Variants in ELAVL3 observed in about 807,000 individuals in gnomAD.
ELAVL3 encodes the protein ELAV-like protein 3.
Under a neutral mutation model 34.2 loss-of-function variants are expected in ELAVL3, and 8 were observed. The ratio of observed to expected loss-of-function variants is 0.23; its 90% CI spans 0.14 to 0.42. The LOEUF (loss-of-function observed/expected upper bound fraction) is 0.42, where lower values mean the gene tolerates loss of function less well. Ranked by LOEUF, ELAVL3 falls within the 10% of genes least tolerant of loss-of-function variation. The probability of loss-of-function intolerance (pLI) is 1.00; values close to 1 mark genes in which losing one functional copy is unlikely to be tolerated. For missense variants in ELAVL3, 273 were observed against 518.8 expected (o/e 0.53, Z 4.60); for synonymous variants, 209 against 222.1 (o/e 0.94, Z 0.53).
At chr19:11,457,212 C>T (rs567948974) in intron 5 of ELAVL3, 64 bp from the exon 6 acceptor site, 49 of 1,489,634 alleles carry the variant, frequency 3.3e-5, no homozygotes, top group South Asian at 1.8e-4. Context: ...GTGACACCGT[C>T]GGCCTGCCCT....
intron 3 of ELAVL3, among the ~76,000 whole-genome samples, chr19:11,465,049 A>AC (rs1334668374): frequency 4.4e-5 from 5 of 113,864 alleles, no homozygotes; most frequent in African/African-American, 1.6e-4. Context: ...CCACACACAT[A>AC]CACACATACA....
chr19:11,460,811 T>G (rs1970867292), intron 3 of ELAVL3, among the ~76,000 whole-genome samples: 1 of 152,042 alleles, frequency 6.6e-6, no homozygotes, highest in Non-Finnish European at 1.5e-5. Flanking sequence ...CTGAATCACA[T>G]TATTAATTAT....
chr19:11,465,020 TACACAC>T (rs1370851721), intron 3 of ELAVL3, among the ~76,000 whole-genome samples: 1 of 49,686 alleles, frequency 2.0e-5, no homozygotes, highest in Admixed American at 2.4e-4. Flanking sequence ...TACATACACA[TACACAC>T]ACCACACACA....
chr19:11,454,481 C>G lies in ELAVL3; in HGVS notation c.*45G>C. ...TCTCTCTCTCTCTTTCTCTCTCTCT[C>G]TCTCTGCTGCCCGGGGAGGGGGTGG... is the stretch of plus-strand genomic sequence containing the variant. On this transcript the variant is annotated 3_prime_UTR_variant, in exon 7 of 7. Transcript: ENST00000359227. This position sits in a 1 kb window ranked among gnomAD's most constrained non-coding sequence, Gnocchi z 9.2. The G allele has an allele frequency of 6.8e-7, 1 of 1,479,454 alleles. No individual in the cohort carries two copies. The highest frequency in any genetic ancestry group is 9.0e-7 in the Non-Finnish European group (1 of 1,105,600). The allele number at this position is 1,479,454 out of a possible 1,614,324, so 91.6% of individuals were successfully genotyped here.
At chr19:11,469,860 C>A (rs1186352939) in intron 1 of ELAVL3, among the ~76,000 whole-genome samples, 3 of 152,120 alleles carry the variant, frequency 2.0e-5, no homozygotes, top group African/African-American at 7.2e-5. Flanking sequence ...GAGCTCGAGA[C>A]CAGCCTGGGC....
chr19:11,459,835 CCT>C, intron 3 of ELAVL3, among the ~76,000 whole-genome samples: 1 of 152,170 alleles, frequency 6.6e-6, no homozygotes. Context: ...CATCCTCCCA[CCT>C]CAGCCTCCCA....
At chr19:11,471,221 A>G (rs1185551165) in intron 1 of ELAVL3, among the ~76,000 whole-genome samples, 1 of 151,848 alleles carries the variant, frequency 6.6e-6, no homozygotes, top group Non-Finnish European at 1.5e-5. Context: ...GAGGCAGGAG[A>G]AACGCTTGAA....
intron 1 of ELAVL3, among the ~76,000 whole-genome samples, chr19:11,476,642 C>A (rs962839329): frequency 2.6e-5 from 4 of 151,984 alleles, no homozygotes; most frequent in African/African-American, 7.2e-5. Context: ...CTCAGGCCTG[C>A]AATCCCAATA....
chr19:11,458,623 G>T lies in ELAVL3; in HGVS notation c.334-12C>A. ...CTGGCATAGGACACCTGGGTGAGGGGGTCAGATGGACAGGGGTGAGGCAGA... is the reference window on the plus strand; with the variant it reads ...CTGGCATAGGACACCTGGGTGAGGGTGTCAGATGGACAGGGGTGAGGCAGA... On this transcript the variant is annotated splice_polypyrimidine_tract_variant and intron_variant, in intron 3 of 6. Transcript: ENST00000359227. The surrounding 1 kb of genome is among the most constrained non-coding windows in gnomAD (Gnocchi z 7.3). 6.2e-7 allele frequency: 1 copy of T among 1,613,136 alleles called. No individual in the cohort carries two copies. Among genetic ancestry groups the T allele is most frequent in the South Asian group, 1.1e-5 (1 of 91,072 alleles).
intron 5 of ELAVL3, among the ~76,000 whole-genome samples, chr19:11,457,388 C>G (rs1230259149): frequency 4.6e-5 from 7 of 152,244 alleles, no homozygotes; most frequent in Non-Finnish European, 1.0e-4. Flanking sequence ...CCATCCTCCC[C>G]CTCCTGGCTG....
chr19:11,465,052 C>CACACAT (rs1971007398), intron 3 of ELAVL3, among the ~76,000 whole-genome samples: 5 of 125,900 alleles, frequency 4.0e-5, no homozygotes, highest in African/African-American at 1.6e-4. Flanking sequence ...CACACATACA[C>CACACAT]ACATACACAC....
Position 11,451,562 on chromosome 19 carries a change from C to T in ELAVL3, c.*2964G>A, listed in dbSNP as rs1489817974. On this transcript the variant is annotated 3_prime_UTR_variant, in exon 7 of 7. Coordinates refer to ENST00000359227, the MANE Select transcript of ELAVL3 (RefSeq NM_001420.4). ...CATGGACTCTGTCGTGATTTGAAAC[C>T]TTCCGAATAAATAACAGGATGAAGG... The T allele has an allele frequency of 7.0e-6, 1 of 142,406 alleles. No homozygotes were observed. Among genetic ancestry groups the T allele is most frequent in the Admixed American group, 7.2e-5 (1 of 13,854 alleles). The allele number at this position is 142,406 out of a possible 1,614,324, so 8.8% of individuals were successfully genotyped here. A position where few individuals can be genotyped will look rare whatever the true frequency, so the allele number is the denominator to read the frequency against.
rs774489001 is a variant in ELAVL3 at position 11,464,710 on chromosome 19, CCA to C, written c.333+1460_333+1461del. ...CCCCCACACACATACACCACACACACCACACACACACACATCACACACACACC... is the reference window on the plus strand; with the variant it reads ...CCCCCACACACATACACCACACACACCACACACACACATCACACACACACC... On this transcript the variant is annotated intron_variant, in intron 3 of 6. Coordinates refer to ENST00000359227, the MANE Select transcript of ELAVL3 (RefSeq NM_001420.4). Among the ~76,000 whole-genome samples the C allele has an allele frequency of 1.5e-3, 201 of 133,154 alleles. 1 individual carries two copies. Among genetic ancestry groups the C allele is most frequent in the East Asian group, 4.1e-3 (18 of 4,394 alleles). 87.4% of individuals were successfully genotyped at this position (133,154 alleles called of 152,430 possible). A position where few individuals can be genotyped will look rare whatever the true frequency, so the allele number is the denominator to read the frequency against.
At chr19:11,462,515 T>TA (rs1970909825) in intron 3 of ELAVL3, among the ~76,000 whole-genome samples, 1 of 151,686 alleles carries the variant, frequency 6.6e-6, no homozygotes, top group Non-Finnish European at 1.5e-5. Flanking sequence ...CGGGCGCCTG[T>TA]AATCCCAGCT....
chr19:11,477,745 T>G (rs1193351576), intron 1 of ELAVL3, among the ~76,000 whole-genome samples: 1 of 147,372 alleles, frequency 6.8e-6, no homozygotes, highest in Non-Finnish European at 1.5e-5. Flanking sequence ...CAGCCTGGAG[T>G]GCAATGGCAT....
intron 1 of ELAVL3, among the ~76,000 whole-genome samples, chr19:11,477,699 T>C (rs939475902): frequency 2.0e-5 from 3 of 151,078 alleles, no homozygotes; most frequent in Non-Finnish European, 3.0e-5. Context: ...CTATTTTTTT[T>C]TTTTTTTTTT....
At position 11,475,317 on chromosome 19, in the gene ELAVL3, G is replaced by A. The variant is rs568818748; in HGVS notation, c.9+5283C>T. ...GAATAGGGAAATTCATTTCAGTCCTGGATCTGTTTGCAGAGCTGTTTTTCA... is the reference window on the plus strand; with the variant it reads ...GAATAGGGAAATTCATTTCAGTCCTAGATCTGTTTGCAGAGCTGTTTTTCA... On this transcript the variant is annotated intron_variant, in intron 1 of 6. Transcript: ENST00000359227. Among the ~76,000 whole-genome samples, 21 of 152,270 alleles carry A rather than the reference G, an allele frequency of 1.4e-4. No individual in the cohort carries two copies. The South Asian group carries it at 4.1e-3, about 30-fold the overall frequency.
chr19:11,464,589 A>C (rs1970971230), intron 3 of ELAVL3, among the ~76,000 whole-genome samples: 1 of 148,340 alleles, frequency 6.7e-6, no homozygotes, highest in African/African-American at 2.5e-5. Context: ...CCCCACACAC[A>C]CATACACACA....
chr19:11,457,328 ACCG>A (rs1002504417), intron 5 of ELAVL3, among the ~76,000 whole-genome samples, 180 bp from the exon 6 acceptor site: 4 of 149,492 alleles, frequency 2.7e-5, no homozygotes, highest in African/African-American at 9.8e-5. Flanking sequence ...TCACTCAGGC[ACCG>A]CCTCTCGCCT....
Sources: allele counts gnomAD v4.1 joint callset (sites outside exome capture counted in the v4.1 genomes callset), GRCh38; gene constraint gnomAD v4.1.1; non-coding constraint Gnocchi (gnomAD v3.1); transcripts MANE v1.5; gene names NCBI Gene and HGNC (gene_info 2026-07-23, HGNC 2026-07-21).